The following CEP72 variants were observed in gnomAD, a reference collection of about 807,000 sequenced individuals.
CEP72 encodes centrosomal protein of 72 kDa.
A neutral mutation model predicts 65.7 loss-of-function variants in CEP72; 78 were observed. The observed-to-expected ratio is 1.19, with a 90% CI of 0.99 to 1.43. CEP72 has a LOEUF of 1.43. CEP72 is among the 40% of genes most tolerant of loss of function. The pLI is 0.00. For missense variants in CEP72, 914 were observed against 832.9 expected (o/e 1.10, Z -1.20); for synonymous variants, 358 against 351.7 (o/e 1.02, Z -0.20).
Position 635,596 on chromosome 5 carries a change from T to C in CEP72, c.904+12T>C. ...CACCCCACACCCAGGTACTTACGCG[T>C]GTCTTAGTCTGTTTTCTGTTGCTGT... is the stretch of plus-strand genomic sequence containing the variant. On this transcript the variant is annotated intron_variant, in intron 6 of 11. Coordinates refer to ENST00000264935, the MANE Select transcript of CEP72 (RefSeq NM_018140.4). The C allele has an allele frequency of 1.9e-6, 3 of 1,584,838 alleles. No individual in the cohort carries two copies. The highest frequency in any genetic ancestry group is 2.6e-6 in the Non-Finnish European group (3 of 1,154,790).
At chr5:671,021 C>T (rs1233454936), downstream of CEP72, among the ~76,000 whole-genome samples, 7 of 151,982 alleles carry the variant, frequency 4.6e-5, no homozygotes, top group African/African-American at 1.7e-4. Flanking sequence ...GGGCTGAGGG[C>T]CAGGGCCCTC....
chr5:612,363 TGGCGCGGGCTGGCCCTC>T lies in CEP72; in HGVS notation c.6_22del (p.Arg3_?8), dbSNP rs1194419599. 1 of 1,488,760 alleles carries T rather than the reference TGGCGCGGGCTGGCCCTC, an allele frequency of 6.7e-7. No individual in the cohort carries two copies. Among genetic ancestry groups the T allele is most frequent in the African/African-American group, 1.5e-5 (1 of 68,492 alleles). The allele number at this position is 1,488,760 out of a possible 1,614,324, so 92.2% of individuals were successfully genotyped here. A position where few individuals can be genotyped will look rare whatever the true frequency, so the allele number is the denominator to read the frequency against. On this transcript the variant is annotated frameshift_variant and start_lost, in exon 1 of 12. Transcript: ENST00000264935. LOFTEE classifies it high-confidence loss of function. ...CCGTCCGAGGGCTCCGTTTGAAACA[TGGCGCGGGCTGGCCCTC>T]GGCTGGTGCTGAGCGAGGAGGCGGT...
At chr5:639,267 T>TGTGTGGGTTCCGGGGTCCTCTGC in intron 8 of CEP72, 43 bp downstream of exon 8, 1 of 1,523,258 alleles carries the variant, frequency 6.6e-7, no homozygotes, top group Non-Finnish European at 8.8e-7. Flanking sequence ...AGGCAGCGTC[T>TGTGTGGGTTCCGGGGTCCTCTGC]GTGTGGGTTC....
At chr5:644,503 T>C (rs1055824065) in intron 10 of CEP72, 78 bp downstream of exon 10, 6 of 1,502,568 alleles carry the variant, frequency 4.0e-6, no homozygotes, top group Non-Finnish European at 5.5e-6. Context: ...TTTTAAATTC[T>C]TCACTGAGGG....
chr5:655,014 T>C (rs1326418278), downstream of CEP72, among the ~76,000 whole-genome samples: 1 of 152,216 alleles, frequency 6.6e-6, no homozygotes, highest in Non-Finnish European at 1.5e-5. The surrounding 1 kb of genome is among the most constrained non-coding windows in gnomAD (Gnocchi z 5.0). Context: ...AATTTGATGT[T>C]AAGCTTGTAT....
the CEP72 span, among the ~76,000 whole-genome samples, chr5:675,465 G>GGGGGTGCAGGGTGGCCA: frequency 2.2e-5 from 1 of 45,468 alleles, no homozygotes; most frequent in East Asian, 8.0e-4. Flanking sequence ...GTGCAGCACA[G>GGGGGTGCAGGGTGGCCA]GGGGTGCAGT....
chr5:665,938 C>CCCCCCCCCCCCCACA, intron 3 of CEP72: 1 of 1,366,602 alleles, frequency 7.3e-7, no homozygotes, highest in Non-Finnish European at 9.7e-7. Flanking sequence ...CCACCCCCTC[C>CCCCCCCCCCCCCACA]AGGCCCCGCC....
intron 7 of CEP72, 119 bp downstream of exon 7, chr5:637,937 A>C (rs534840429): frequency 2.0e-6 from 2 of 1,004,090 alleles, no homozygotes; most frequent in East Asian, 5.5e-5. Flanking sequence ...TCCCTGATGC[A>C]GGGCTGTTAC....
Position 633,838 on chromosome 5 carries a change from C to T in CEP72, c.582C>T (p.Asp194=), listed in dbSNP as rs368560954. ...AGAGCCTGGTCATGGATGCGGATGA[C>T]GAGGCAGTCCTGAACCTCATTGCAG... ...AKQSLVMDAD[D]EAVLNLIAEC... is the part of the protein sequence containing the mutation. The change falls in exon 5 of 12, where the codon GAC becomes GAT. Residue 194 remains aspartate, a synonymous_variant. Transcript: ENST00000264935. 3.0e-5 allele frequency: 48 copies of T among 1,614,026 alleles called. No individual in the cohort carries two copies. The highest frequency in any genetic ancestry group is 1.6e-4 in the Middle Eastern group (1 of 6,062).
chr5:623,112 T>TGTTTCTGCAGAGA lies in CEP72; in HGVS notation c.404-1345_404-1333dup, dbSNP rs1303990640. On this transcript the variant is annotated intron_variant, in intron 3 of 11. Transcript: ENST00000264935. This position sits in a 1 kb window ranked among gnomAD's most constrained non-coding sequence, Gnocchi z 5.3. ...AGGAGCGCGACCGTCTCCCTCTTAG[T>TGTTTCTGCAGAGA]GTTTCTGCAGAGAGTTTCTGCAGAG... Among the ~76,000 whole-genome samples, 2 of 151,634 alleles carry TGTTTCTGCAGAGA rather than the reference T, an allele frequency of 1.3e-5. No homozygotes were observed. Among genetic ancestry groups the TGTTTCTGCAGAGA allele is most frequent in the African/African-American group, 2.4e-5 (1 of 41,218 alleles).
Position 643,986 on chromosome 5 carries a change from G to T in CEP72, c.1540-313G>T, listed in dbSNP as rs1738242635. Among the ~76,000 whole-genome samples the T allele has an allele frequency of 2.6e-5, 4 of 152,212 alleles. 1 individual carries two copies. Among genetic ancestry groups the T allele is most frequent in the Admixed American group, 2.6e-4 (4 of 15,286 alleles). ...TCCCCCAACCGCCACCAGCTGCCCT[G>T]CCCAGCATCAGGCCTGCAGGTCCTG... is the stretch of plus-strand genomic sequence containing the variant. On this transcript the variant is annotated intron_variant, in intron 9 of 11. Coordinates refer to ENST00000264935, the MANE Select transcript of CEP72 (RefSeq NM_018140.4).
chr5:669,077 G>C (rs944587330), downstream of CEP72, among the ~76,000 whole-genome samples: 3 of 152,190 alleles, frequency 2.0e-5, no homozygotes, highest in Admixed American at 2.0e-4. Flanking sequence ...CCAAGTGCTC[G>C]GGGTCCCACA....
At chr5:644,220 C>T (rs566268023) in intron 9 of CEP72, 79 bp from the exon 10 acceptor site, 75 of 1,505,342 alleles carry the variant, frequency 5.0e-5, no homozygotes, top group Non-Finnish European at 6.7e-5. Flanking sequence ...TCTGGGGATT[C>T]TCAGGTTTCA....
rs377417917 is a variant in CEP72, at chr5:624,455, T to C, written c.404-16T>C. ...CGCTTGCCACCTGCACAGTCTTGTGTGGCCTTTTCTTCTAGACGATCGCCC... is the reference window on the plus strand; with the variant it reads ...CGCTTGCCACCTGCACAGTCTTGTGCGGCCTTTTCTTCTAGACGATCGCCC... On this transcript the variant is annotated splice_polypyrimidine_tract_variant and intron_variant, in intron 3 of 11. Transcript: ENST00000264935. This position sits in a 1 kb window ranked among gnomAD's most constrained non-coding sequence, Gnocchi z 4.7. 1 of 1,605,978 alleles carries C rather than the reference T, an allele frequency of 6.2e-7. No homozygotes were observed. The highest frequency in any genetic ancestry group is 8.5e-7 in the Non-Finnish European group (1 of 1,172,534).
downstream of CEP72, among the ~76,000 whole-genome samples, chr5:671,204 C>G (rs559506942): frequency 1.4e-4 from 21 of 145,888 alleles, no homozygotes; most frequent in Admixed American, 4.1e-4. Flanking sequence ...GCGCTTGCTG[C>G]TAATTAATTT....
chr5:638,835 G>T (rs1323303892), intron 7 of CEP72, among the ~76,000 whole-genome samples: 1 of 152,090 alleles, frequency 6.6e-6, no homozygotes, highest in Non-Finnish European at 1.5e-5. Context: ...TCTGGGGCCT[G>T]CTTGAGTTGG....
chr5:634,355 CT>C (rs1561043835), intron 5 of CEP72, among the ~76,000 whole-genome samples: 6 of 152,212 alleles, frequency 3.9e-5, no homozygotes, highest in Non-Finnish European at 7.3e-5. Context: ...GCAAGGGTGT[CT>C]CGGAGACTCC....
chr5:662,233 G>A (rs3749609), intron 1 of CEP72: 22,446 of 152,560 alleles, frequency 0.15, 2,047 homozygotes, highest in African/African-American at 0.25. Context: ...GGCCGTGTGG[G>A]CGAGGTGACC....
chr5:638,384 C>T (rs982968492), intron 7 of CEP72, among the ~76,000 whole-genome samples: 3 of 152,090 alleles, frequency 2.0e-5, no homozygotes, highest in South Asian at 4.1e-4. Context: ...TTGAGACACA[C>T]CTGCTGTAGA....
Sources: gnomAD v4.1 joint callset for allele counts (sites outside exome capture counted in the v4.1 genomes callset) on GRCh38, gnomAD v4.1.1 for gene constraint, Gnocchi (gnomAD v3.1) non-coding constraint, MANE v1.5 for transcripts, NCBI Gene and HGNC (gene_info 2026-07-23, HGNC 2026-07-21) for gene names.